CSMD1: variants seen among roughly 807,000 people sequenced by gnomAD.
CSMD1 encodes the protein CUB and Sushi multiple domains 1.
Under a neutral mutation model 417.5 loss-of-function variants are expected in CSMD1, and 213 were observed. That is an observed-to-expected ratio of 0.51 (90% CI 0.46 to 0.57). The LOEUF is 0.57. CSMD1 is among the 20% of genes least tolerant of loss of function. The probability of loss-of-function intolerance (pLI) is 0.00; values close to 1 mark genes in which losing one functional copy is unlikely to be tolerated. For missense variants in CSMD1, 6,923 were observed against 4,529.7 expected, an observed-to-expected ratio of 1.53 and a Z score of -15.17; for synonymous variants, 2,862 against 1,736.8, an observed-to-expected ratio of 1.65 and a Z score of -16.11.
chr8:3,847,020 T>A (rs566361825), intron 5 of CSMD1, among the ~76,000 whole-genome samples: 1 of 152,062 alleles, frequency 6.6e-6, no homozygotes, highest in Non-Finnish European at 1.5e-5. Flanking sequence ...CCACAGCAGA[T>A]CAGATGATGC....
At chr8:3,938,856 C>G (rs1810681503) in intron 5 of CSMD1, among the ~76,000 whole-genome samples, 1 of 152,080 alleles carries the variant, frequency 6.6e-6, no homozygotes, top group South Asian at 2.1e-4. Flanking sequence ...TAAACCTTTT[C>G]AGAAGGCAAG....
intron 5 of CSMD1, among the ~76,000 whole-genome samples, chr8:3,837,445 A>G (rs995354433): frequency 3.3e-5 from 5 of 152,184 alleles, no homozygotes; most frequent in Non-Finnish European, 5.9e-5. Flanking sequence ...ACAGGCATTT[A>G]TAAGAGAAGA....
At chr8:4,247,947 A>G (rs1282872139) in intron 3 of CSMD1, among the ~76,000 whole-genome samples, 1 of 152,084 alleles carries the variant, frequency 6.6e-6, no homozygotes, top group East Asian at 1.9e-4. Flanking sequence ...AATATTCATA[A>G]TTTTTTGTCT....
At chr8:4,380,748 C>T (rs150810355) in intron 3 of CSMD1, among the ~76,000 whole-genome samples, 213 of 152,214 alleles carry the variant, frequency 1.4e-3, no homozygotes, top group African/African-American at 4.8e-3. Context: ...ACTGTCCTCA[C>T]GACTTCTCTG....
intron 5 of CSMD1, among the ~76,000 whole-genome samples, chr8:3,853,965 TATC>T (rs1226089212): frequency 1.4e-5 from 2 of 138,694 alleles, no homozygotes; most frequent in Non-Finnish European, 3.2e-5. Flanking sequence ...ATATTAAATA[TATC>T]ATGTCAATAT....
intron 3 of CSMD1, among the ~76,000 whole-genome samples, chr8:4,151,767 A>C (rs1046248550): frequency 6.6e-6 from 1 of 152,210 alleles, no homozygotes; most frequent in Admixed American, 6.5e-5. Flanking sequence ...TCCTAGTGCC[A>C]CATTTCTTCT....
chr8:3,223,984 G>C lies in CSMD1; in HGVS notation c.4346-117C>G, dbSNP rs538546755. The C allele has an allele frequency of 5.4e-5, 50 of 926,090 alleles. No homozygotes were observed. In the African/African-American group the frequency reaches 7.5e-4, roughly 14 times the overall value. The allele number at this position is 926,090 out of a possible 1,614,324, so 57.4% of individuals were successfully genotyped here. On this transcript the variant is annotated intron_variant, in intron 27 of 69. Coordinates refer to ENST00000635120, the MANE Select transcript of CSMD1 (RefSeq NM_033225.6). ...GAAAAAGACATCAGCATTTTTACCA[G>C]TCCAAGAGATTGTGTGTTGGTTATC...
At chr8:4,444,177 A>C (rs1240842232) in intron 2 of CSMD1, among the ~76,000 whole-genome samples, 2 of 151,814 alleles carry the variant, frequency 1.3e-5, no homozygotes, top group African/African-American at 4.8e-5. Context: ...CCCTGTGCCT[A>C]CTAAAAATAT....
At chr8:4,100,839 G>T (rs568257175) in intron 3 of CSMD1, among the ~76,000 whole-genome samples, 72 of 152,230 alleles carry the variant, frequency 4.7e-4, no homozygotes, top group African/African-American at 1.6e-3. Context: ...AACTGTAAAA[G>T]CAAGAGCCTC....
chr8:3,270,418 AT>A lies in CSMD1; in HGVS notation c.4153+13725del, dbSNP rs375086535. On this transcript the variant is annotated intron_variant, in intron 26 of 69. Transcript: ENST00000635120. ...GATTATTTTAAAGCAGTGAAAAAAA[AT>A]GATCAGTTTTAATGAAGAAAATTTA... is the stretch of plus-strand genomic sequence containing the variant. Among the ~76,000 whole-genome samples the A allele has an allele frequency of 1.9e-3, 294 of 152,276 alleles. 1 individual carries two copies. Among genetic ancestry groups the A allele is most frequent in the African/African-American group, 7.0e-3 (289 of 41,564 alleles).
chr8:4,539,414 T>C (rs996232594), intron 2 of CSMD1, among the ~76,000 whole-genome samples: 1 of 152,232 alleles, frequency 6.6e-6, no homozygotes, highest in African/African-American at 2.4e-5. Context: ...ATTTCATTTA[T>C]GATGGCATTA....
intron 5 of CSMD1, among the ~76,000 whole-genome samples, chr8:3,936,433 C>T (rs1288780141): frequency 6.6e-6 from 1 of 152,158 alleles, no homozygotes; most frequent in Non-Finnish European, 1.5e-5. Context: ...GGCTGACTCT[C>T]TTCTTAGGGG....
chr8:3,533,013 T>C (rs1020399285), intron 10 of CSMD1, among the ~76,000 whole-genome samples: 6 of 152,138 alleles, frequency 3.9e-5, no homozygotes, highest in Non-Finnish European at 7.4e-5. Context: ...ACAAATTAAG[T>C]GAATAATGTG....
intron 3 of CSMD1, among the ~76,000 whole-genome samples, chr8:4,101,021 A>G (rs11984777): frequency 1.3e-5 from 2 of 152,156 alleles, no homozygotes; most frequent in Admixed American, 1.3e-4. Flanking sequence ...CAATCCACGC[A>G]GCCTGTGATT....
chr8:3,912,668 G>A (rs1031855794), intron 5 of CSMD1, among the ~76,000 whole-genome samples: 6 of 152,192 alleles, frequency 3.9e-5, no homozygotes, highest in African/African-American at 1.4e-4. Flanking sequence ...AGTGGAGCAT[G>A]TTTGATAAAC....
intron 42 of CSMD1, among the ~76,000 whole-genome samples, chr8:3,118,056 T>C (rs7841865): frequency 0.13 from 20,036 of 152,210 alleles, 2,256 homozygotes; most frequent in African/African-American, 0.3. Context: ...CAATCTGATA[T>C]AACCACTGTA....
At chr8:3,316,419 A>AGAT (rs1156444762) in intron 23 of CSMD1, among the ~76,000 whole-genome samples, 3 of 151,740 alleles carry the variant, frequency 2.0e-5, no homozygotes, top group African/African-American at 7.2e-5. Context: ...AATGAATGAC[A>AGAT]GATAGGAAAT....
At chr8:4,947,211 CT>C (rs564883209) in intron 1 of CSMD1, among the ~76,000 whole-genome samples, 32 of 152,238 alleles carry the variant, frequency 2.1e-4, no homozygotes, top group Middle Eastern at 6.8e-3. Flanking sequence ...CTGTTATCTA[CT>C]TTTTAAATGT....
At chr8:4,248,875 G>C (rs771163188) in intron 3 of CSMD1, among the ~76,000 whole-genome samples, 1 of 150,266 alleles carries the variant, frequency 6.7e-6, no homozygotes, top group Non-Finnish European at 1.5e-5. Context: ...TCACTCAACA[G>C]TTTTCTGTTG....
Sources: gnomAD v4.1 joint callset for allele counts (sites outside exome capture counted in the v4.1 genomes callset) on GRCh38, gnomAD v4.1.1 for gene constraint, MANE v1.5 for transcripts, NCBI Gene and HGNC (gene_info 2026-07-23, HGNC 2026-07-21) for gene names.